KMT2C: variants seen among roughly 807,000 people sequenced by gnomAD.
The protein encoded by KMT2C is lysine methyltransferase 2C, also known as histone-lysine N-methyltransferase 2C.
In KMT2C, 88 loss-of-function variants were observed where a neutral mutation model predicts 507.9. The observed-to-expected ratio is 0.17, with a 90% CI of 0.15 to 0.21. The LOEUF is 0.21. KMT2C is among the 10% of genes least tolerant of loss of function. The probability of loss-of-function intolerance (pLI) is 1.00; values close to 1 mark genes in which losing one functional copy is unlikely to be tolerated. For missense variants in KMT2C, 4,954 were observed against 5,957.8 expected, an observed-to-expected ratio of 0.83 and a Z score of 5.55; for synonymous variants, 2,049 against 2,080.8, an observed-to-expected ratio of 0.98 and a Z score of 0.42.
intron 6 of KMT2C, among the ~76,000 whole-genome samples, chr7:152,307,209 GGA>G (rs2096624525): frequency 2.6e-5 from 3 of 116,278 alleles, no homozygotes; most frequent in East Asian, 2.3e-4. Flanking sequence ...AAGGAAGGAA[GGA>G]AGGAAGGAAG....
chr7:152,296,997 A>AAAAG (rs61473498), intron 6 of KMT2C, among the ~76,000 whole-genome samples: 3,453 of 58,868 alleles, frequency 0.059, 225 homozygotes, highest in Non-Finnish European at 0.066. Flanking sequence ...GAAAGAAAGA[A>AAAAG]AAAGAAAGAA....
chr7:152,155,267 T>C (rs1167002443), intron 46 of KMT2C, among the ~76,000 whole-genome samples: 1 of 152,204 alleles, frequency 6.6e-6, no homozygotes, highest in Non-Finnish European at 1.5e-5. Flanking sequence ...ATTAATAAAG[T>C]AAGGGACTTA....
chr7:152,241,316 C>G (rs202140255), intron 14 of KMT2C, among the ~76,000 whole-genome samples: 1 of 152,152 alleles, frequency 6.6e-6, no homozygotes, highest in East Asian at 1.9e-4. Flanking sequence ...TCTCCTGCCT[C>G]AAGTCTCCTG....
intron 34 of KMT2C, among the ~76,000 whole-genome samples, chr7:152,184,026 C>G (rs1276762385): frequency 6.8e-6 from 1 of 146,078 alleles, no homozygotes; most frequent in African/African-American, 2.5e-5. Flanking sequence ...GAGCCGAGAT[C>G]GCACCATTGC....
chr7:152,274,037 T>C (rs866745854), intron 6 of KMT2C, among the ~76,000 whole-genome samples, 170 bp from the exon 7 acceptor site: 84 of 152,312 alleles, frequency 5.5e-4, no homozygotes, highest in Middle Eastern at 3.4e-3. Context: ...CATTACTCAA[T>C]TTAGCGCTTC....
intron 1 of KMT2C, among the ~76,000 whole-genome samples, chr7:152,370,685 G>T (rs963995899): frequency 2.0e-5 from 3 of 152,142 alleles, no homozygotes; most frequent in Non-Finnish European, 4.4e-5. Context: ...TTTATCCCAG[G>T]AATGCTACAC....
intron 18 of KMT2C, among the ~76,000 whole-genome samples, chr7:152,225,741 T>G (rs1490452916): frequency 2.6e-5 from 4 of 152,092 alleles, no homozygotes; most frequent in African/African-American, 9.7e-5. Context: ...CTGGCACATA[T>G]CAGAGCAGGA....
chr7:152,152,843 G>C lies in KMT2C; in HGVS notation c.12388C>G (p.His4130Asp), dbSNP rs202144614. 1.2e-5 allele frequency: 20 copies of C among 1,613,994 alleles called. No individual in the cohort carries two copies. The highest frequency in any genetic ancestry group is 1.7e-5 in the Non-Finnish European group (20 of 1,180,026). ...DVPSMGLVSS[H>D]RINPGLEYRQ... The stretch of plus-strand genomic sequence containing the variant: ...TACTCCAAACCCGGGTTGATTCTGT[G>C]GCTACTGACCAAACCCATGGATGGG... Residue 4130 changes from histidine to aspartate, a missense_variant, in exon 49 of 59, where the codon CAC becomes GAC. Physicochemically the swap from His to Asp is moderately conservative, Grantham distance 81. Transcript: ENST00000262189.
intron 1 of KMT2C, among the ~76,000 whole-genome samples, chr7:152,373,514 A>G (rs940524626): frequency 2.0e-5 from 3 of 152,238 alleles, no homozygotes; most frequent in African/African-American, 7.2e-5. Flanking sequence ...ATCAAACTTT[A>G]AAACAAAGCC....
At position 152,154,409 on chromosome 7, in the gene KMT2C, G is replaced by T; in HGVS notation, c.11997C>A (p.Asp3999Glu). 2 of 1,613,978 alleles carry T rather than the reference G, an allele frequency of 1.2e-6. No individual in the cohort carries two copies. The highest frequency in any genetic ancestry group is 1.7e-6 in the Non-Finnish European group (2 of 1,179,988). Residue 3999 changes from aspartate to glutamate, a missense_variant, in exon 47 of 59, where the codon GAC (aspartate) becomes GAA (glutamate). Transcript: ENST00000262189. ...QDHCGDRDTP[D>E]SFVPSSSPES... ...CAGGAGAGGATGAGGGAACAAAACTGTCAGGAGTATCTCGATCACCACAGT... is the reference window on the plus strand; with the variant it reads ...CAGGAGAGGATGAGGGAACAAAACTTTCAGGAGTATCTCGATCACCACAGT...
rs2089905469 is a variant in KMT2C, at chr7:152,136,721, A to G, written c.*111T>C. ...CAGAACTCCCAGAAGCTTTTTCAAA[A>G]AGTCATAAAACAGAAAACAAAAATC... On this transcript the variant is annotated 3_prime_UTR_variant, in exon 59 of 59. Transcript: ENST00000262189. The G allele has an allele frequency of 1.3e-6, 1 of 778,012 alleles. No homozygotes were observed. The highest frequency in any genetic ancestry group is 1.7e-5 in the African/African-American group (1 of 58,126). The allele number at this position is 778,012 out of a possible 1,614,324, so 48.2% of individuals were successfully genotyped here.
chr7:152,144,796 A>C lies in KMT2C; in HGVS notation c.14260T>G (p.Phe4754Val), dbSNP rs2129092763. 1 of 1,614,000 alleles carries C rather than the reference A, an allele frequency of 6.2e-7. No individual in the cohort carries two copies. The highest frequency in any genetic ancestry group is 8.5e-7 in the Non-Finnish European group (1 of 1,179,874). Reference protein sequence around the residue: ...GELNAPYSKQFVHSKSSQYRK... With the variant: ...GELNAPYSKQVVHSKSSQYRK... ...TACTGCGATGACTTGGAGTGAACAA[A>C]CTGTTTACTATAAGGTGCGTTCAGT... Residue 4754 changes from phenylalanine to valine, a missense_variant, in exon 55 of 59, where the codon TTT (phenylalanine) becomes GTT (valine). By Grantham distance (50) the Phe-to-Val change is conservative. Transcript: ENST00000262189. The surrounding 1 kb of genome is among the most constrained non-coding windows in gnomAD (Gnocchi z 4.4).
chr7:152,137,502 G>C (rs1000282290), intron 58 of KMT2C: 2 of 152,558 alleles, frequency 1.3e-5, no homozygotes, highest in Non-Finnish European at 2.9e-5. Context: ...ACCCCAGAGA[G>C]AGCCGATGCT....
intron 3 of KMT2C, among the ~76,000 whole-genome samples, chr7:152,319,958 T>C (rs957480124): frequency 8.6e-5 from 13 of 152,018 alleles, no homozygotes; most frequent in African/African-American, 2.7e-4. Context: ...TTGTCTTGTA[T>C]CCAATACATA....
intron 43 of KMT2C, among the ~76,000 whole-genome samples, chr7:152,161,031 T>A (rs985932966): frequency 2.6e-5 from 4 of 152,198 alleles, no homozygotes; most frequent in Non-Finnish European, 4.4e-5. Flanking sequence ...AGCAGCAGCA[T>A]GTGGTATACA....
At chr7:152,246,381 G>A (rs931538226) in intron 14 of KMT2C, among the ~76,000 whole-genome samples, 2 of 152,078 alleles carry the variant, frequency 1.3e-5, no homozygotes, top group Admixed American at 1.3e-4. Context: ...ATCAAAGACA[G>A]CTCAGCAAAA....
At chr7:152,393,425 G>T (rs2097515641) in intron 1 of KMT2C, among the ~76,000 whole-genome samples, 1 of 152,112 alleles carries the variant, frequency 6.6e-6, no homozygotes, top group Non-Finnish European at 1.5e-5. Context: ...TAAAAAGGAT[G>T]ATCGACTTAA....
chr7:152,271,769 A>T (rs1239790112), intron 7 of KMT2C, among the ~76,000 whole-genome samples: 1 of 152,028 alleles, frequency 6.6e-6, no homozygotes, highest in South Asian at 2.1e-4. Flanking sequence ...CTGCTATAAG[A>T]AACAGCCCTA....
At chr7:152,178,167 G>T (rs2093295636) in intron 37 of KMT2C, among the ~76,000 whole-genome samples, 157 bp from the exon 38 acceptor site, 1 of 151,216 alleles carries the variant, frequency 6.6e-6, no homozygotes, top group African/African-American at 2.4e-5. Context: ...CCATTAAAAA[G>T]TATTTACAGT....
Sources: allele counts gnomAD v4.1 joint callset (sites outside exome capture counted in the v4.1 genomes callset), GRCh38; gene constraint gnomAD v4.1.1; non-coding constraint Gnocchi (gnomAD v3.1); transcripts MANE v1.5; gene names NCBI Gene and HGNC (gene_info 2026-07-23, HGNC 2026-07-21).